The following ELF2 variants were observed in gnomAD, a reference collection of about 807,000 sequenced individuals.
ELF2 encodes ETS-related transcription factor Elf-2.
ELF2 carries 11 observed loss-of-function variants against 54.8 expected under a neutral mutation model. The observed-to-expected ratio is 0.20, with a 90% CI of 0.13 to 0.33. ELF2 has a LOEUF of 0.33. ELF2 is among the 10% of genes least tolerant of loss of function. ELF2 has a pLI of 1.00. For missense variants in ELF2, 513 were observed against 703.0 expected (o/e 0.73, Z 3.06); for synonymous variants, 203 against 245.1 (o/e 0.83, Z 1.61).
At chr4:139,091,663 T>G (rs1372731969) in intron 4 of ELF2, among the ~76,000 whole-genome samples, 1 of 151,932 alleles carries the variant, frequency 6.6e-6, no homozygotes, top group Admixed American at 6.6e-5. Context: ...TTTATTTTTT[T>G]GTAGAGGTGG....
chr4:139,147,935 C>T (rs760391110), intron 1 of ELF2, among the ~76,000 whole-genome samples: 9 of 151,648 alleles, frequency 5.9e-5, no homozygotes, highest in East Asian at 1.9e-4. Flanking sequence ...TACAGGCATG[C>T]GCCACCAGGC....
Position 139,073,591 on chromosome 4 carries a change from C to A in ELF2, c.239-24G>T. ...CACTGGAGGAAAAATAAGTTCTACT[C>A]AATTAAAAATACACTAAACACATGA... On this transcript the variant is annotated intron_variant, in intron 4 of 9. Coordinates refer to ENST00000686138, the MANE Select transcript of ELF2 (RefSeq NM_001331036.3). 4 of 1,431,436 alleles carry A rather than the reference C, an allele frequency of 2.8e-6. No homozygotes were observed. In the South Asian group the frequency reaches 4.4e-5, roughly 16 times the overall value. 88.7% of individuals were successfully genotyped at this position (1,431,436 alleles called of 1,614,324 possible).
chr4:139,129,181 G>A (rs12639815), intron 3 of ELF2, among the ~76,000 whole-genome samples: 15,858 of 151,062 alleles, frequency 0.1, 1,557 homozygotes, highest in East Asian at 0.44. Context: ...CAGGTGATCC[G>A]CCCGCCTCAG....
At chr4:139,094,033 G>A (rs1732976208) in intron 4 of ELF2, among the ~76,000 whole-genome samples, 1 of 151,868 alleles carries the variant, frequency 6.6e-6, no homozygotes, top group African/African-American at 2.4e-5. Context: ...TGAGTAGCTG[G>A]GATTACGGGC....
chr4:139,093,380 C>T (rs920211431), intron 4 of ELF2, among the ~76,000 whole-genome samples: 1 of 152,058 alleles, frequency 6.6e-6, no homozygotes, highest in African/African-American at 2.4e-5. Flanking sequence ...TAGCAAATTT[C>T]AAAATTAATT....
chr4:139,084,082 C>T (rs562239149), intron 4 of ELF2: 10 of 1,611,428 alleles, frequency 6.2e-6, no homozygotes, highest in African/African-American at 1.3e-5. Context: ...CTTCTGTGCA[C>T]CCCCTCTCCT....
intron 4 of ELF2, among the ~76,000 whole-genome samples, chr4:139,123,400 C>T (rs1201635435): frequency 6.6e-6 from 1 of 152,128 alleles, no homozygotes; most frequent in Non-Finnish European, 1.5e-5. Flanking sequence ...CTCCTTTTCA[C>T]AATCACTAAT....
In ELF2 at chr4:139,090,796, C is replaced by T. The variant is rs1481322333; in HGVS notation, c.239-17229G>A. The stretch of plus-strand genomic sequence containing the variant: ...TTTTAGTGGAGCTGGGATTTTGCCA[C>T]GTTGGCCAGGCTGGTCTCAAACTCC... On this transcript the variant is annotated intron_variant, in intron 4 of 9. Transcript: ENST00000686138. Among the ~76,000 whole-genome samples, 4 of 152,210 alleles carry T rather than the reference C, an allele frequency of 2.6e-5. 1 individual carries two copies. The highest frequency in any genetic ancestry group is 4.1e-4 in the South Asian group (2 of 4,824).
chr4:139,083,039 T>C (rs558249698), intron 4 of ELF2, among the ~76,000 whole-genome samples: 1 of 152,324 alleles, frequency 6.6e-6, no homozygotes, highest in South Asian at 2.1e-4. Context: ...CCAATCTTCA[T>C]TGGCCCAGCG....
chr4:139,127,035 C>T lies in ELF2; in HGVS notation c.73-1706G>A, dbSNP rs1073688. 5.6e-4 allele frequency among the ~76,000 whole-genome samples: 85 copies of T among 152,292 alleles called. No individual in the cohort carries two copies. In the South Asian group the frequency reaches 0.012, roughly 22 times the overall value. On this transcript the variant is annotated intron_variant, in intron 3 of 9. Transcript: ENST00000686138. Reference sequence around the variant, plus strand: ...ATAGCATGATGAACTGTCATTACTACGATAACCATTGACCTTGTTCCTAAG... The same window carrying T: ...ATAGCATGATGAACTGTCATTACTATGATAACCATTGACCTTGTTCCTAAG...
intron 1 of ELF2, among the ~76,000 whole-genome samples, chr4:139,171,673 T>C (rs1175167939): frequency 1.3e-5 from 2 of 150,420 alleles, no homozygotes; most frequent in Admixed American, 6.6e-5. Context: ...CCTGTAATCC[T>C]AGCACTTTGG....
chr4:139,074,558 G>A (rs936335204), intron 4 of ELF2, among the ~76,000 whole-genome samples: 5 of 151,852 alleles, frequency 3.3e-5, no homozygotes, highest in African/African-American at 7.3e-5. Flanking sequence ...TCAAGAGATC[G>A]AGACCATCCT....
At chr4:139,132,467 G>A (rs1399719987) in intron 3 of ELF2, among the ~76,000 whole-genome samples, 2 of 151,738 alleles carry the variant, frequency 1.3e-5, no homozygotes, top group Non-Finnish European at 2.9e-5. Flanking sequence ...ACACATACAC[G>A]CAGACCTAGG....
At chr4:139,126,972 G>A (rs1422408926) in intron 3 of ELF2, among the ~76,000 whole-genome samples, 6 of 152,174 alleles carry the variant, frequency 3.9e-5, no homozygotes, top group Non-Finnish European at 7.4e-5. Flanking sequence ...CAGATTTAAA[G>A]GGCAACCAGT....
At chr4:139,163,741 C>T (rs960410713) in intron 1 of ELF2, among the ~76,000 whole-genome samples, 2 of 152,044 alleles carry the variant, frequency 1.3e-5, no homozygotes, top group Non-Finnish European at 1.5e-5. Context: ...CAATGAAACC[C>T]CGTCTCTACA....
At chr4:139,155,306 C>T (rs1740415264) in intron 1 of ELF2, 1 of 152,042 alleles carries the variant, frequency 6.6e-6, no homozygotes, top group African/African-American at 2.4e-5. Flanking sequence ...AGGGGGATCA[C>T]CAGGTCGCCT....
intron 1 of ELF2, among the ~76,000 whole-genome samples, chr4:139,159,075 G>A (rs554931664): frequency 6.6e-6 from 1 of 152,124 alleles, no homozygotes; most frequent in African/African-American, 2.4e-5. Context: ...GGGAAGAAAT[G>A]ACCATGGTGG....
At chr4:139,155,136 A>C (rs981402968) in intron 1 of ELF2, 2 of 152,264 alleles carry the variant, frequency 1.3e-5, no homozygotes, top group Admixed American at 1.3e-4. Flanking sequence ...GCTTCAGATG[A>C]GAATATAGTA....
chr4:139,078,280 GA>G lies in ELF2; in HGVS notation c.239-4714del, dbSNP rs879879178. ...AGTAGCAATTTAGTTTGAGAGCAGT[GA>G]AAAAAAATTAGAAAACACTTCATTA... On this transcript the variant is annotated intron_variant, in intron 4 of 9. Coordinates refer to ENST00000686138, the MANE Select transcript of ELF2 (RefSeq NM_001331036.3). 1.7e-3 allele frequency among the ~76,000 whole-genome samples: 264 copies of G among 151,950 alleles called. 2 individuals carry two copies. Among genetic ancestry groups the G allele is most frequent in the African/African-American group, 6.1e-3 (252 of 41,462 alleles).
Sources: gnomAD v4.1 joint callset for allele counts (sites outside exome capture counted in the v4.1 genomes callset) on GRCh38, gnomAD v4.1.1 for gene constraint, MANE v1.5 for transcripts, NCBI Gene and HGNC (gene_info 2026-07-23, HGNC 2026-07-21) for gene names.